The following IL17RD variants were observed in gnomAD, a reference collection of about 807,000 sequenced individuals.
IL17RD encodes the protein interleukin 17 receptor D, also known as interleukin-17 receptor D.
A neutral mutation model predicts 80.5 loss-of-function variants in IL17RD; 52 were observed. The observed-to-expected ratio is 0.65, with a 90% CI of 0.52 to 0.81. The LOEUF (loss-of-function observed/expected upper bound fraction) is 0.81. IL17RD is among the 40% of genes least tolerant of loss of function. IL17RD has a pLI of 0.00. For missense variants in IL17RD, 1,024 were observed against 955.1 expected (o/e 1.07, Z -0.95); for synonymous variants, 416 against 391.8 (o/e 1.06, Z -0.73).
chr3:57,143,410 A>G lies in IL17RD; in HGVS notation c.126+21751T>C, dbSNP rs1579308152. Among the ~76,000 whole-genome samples, 2 of 151,688 alleles carry G rather than the reference A, an allele frequency of 1.3e-5. 1 individual carries two copies. The highest frequency in any genetic ancestry group is 4.2e-4 in the South Asian group (2 of 4,772). ...GTCATTCTCATCAGTGATGAGGTAAAAACAGGGACTCCCTCAGAGGAGCCA... is the reference window on the plus strand; with the variant it reads ...GTCATTCTCATCAGTGATGAGGTAAGAACAGGGACTCCCTCAGAGGAGCCA... On this transcript the variant is annotated intron_variant, in intron 1 of 12. Transcript: ENST00000296318.
rs963824793 is a variant in IL17RD, at chr3:57,122,412, C to A, written c.127-2099G>T. Among the ~76,000 whole-genome samples, 3 of 152,182 alleles carry A rather than the reference C, an allele frequency of 2.0e-5. No homozygotes were observed. The South Asian group carries it at 6.2e-4, about 31-fold the overall frequency. ...GCCCTGGACTGGTCCTGGTCCATGG[C>A]CTGTTAGGAGCCAGGCCGCGCAGCA... On this transcript the variant is annotated intron_variant, in intron 1 of 12. Coordinates refer to ENST00000296318, the MANE Select transcript of IL17RD (RefSeq NM_017563.5).
chr3:57,101,800 GAAGTATATAACT>G (rs1368973655), intron 10 of IL17RD, among the ~76,000 whole-genome samples: 2 of 152,136 alleles, frequency 1.3e-5, no homozygotes, highest in Admixed American at 1.3e-4. Context: ...AATTTTTATG[GAAGTATATAACT>G]GTGTAATCCT....
At chr3:57,105,536 C>CAAAAAAAAAAAAAAAAAAAAAA (rs745910085) in intron 7 of IL17RD, among the ~76,000 whole-genome samples, 2 of 35,604 alleles carry the variant, frequency 5.6e-5, no homozygotes, top group Non-Finnish European at 1.2e-4. Context: ...GACTCCATCT[C>CAAAAAAAAAAAAAAAAAAAAAA]AAAAAAAAAA....
intron 1 of IL17RD, among the ~76,000 whole-genome samples, chr3:57,152,392 C>A (rs564069352): frequency 1.3e-5 from 2 of 152,210 alleles, no homozygotes; most frequent in African/African-American, 2.4e-5. Flanking sequence ...TGAATCTCTG[C>A]GGACCATTCT....
chr3:57,117,361 G>C lies in IL17RD; in HGVS notation c.185-2544C>G, dbSNP rs535992283. On this transcript the variant is annotated intron_variant, in intron 2 of 12. Transcript: ENST00000296318. ...ACTCCTGACCTCAGGTGATCCACCC[G>C]CTTTGGCCTCCCAAAGTGCTGGGAT... Among the ~76,000 whole-genome samples the C allele has an allele frequency of 2.0e-5, 3 of 152,144 alleles. No homozygotes were observed. In the South Asian group the frequency reaches 6.2e-4, roughly 32 times the overall value.
Position 57,106,159 on chromosome 3 carries a change from TAAGAGAATA to T in IL17RD, c.551-14_551-6del. The T allele has an allele frequency of 6.2e-7, 1 of 1,606,798 alleles. No homozygotes were observed. The highest frequency in any genetic ancestry group is 8.5e-7 in the Non-Finnish European group (1 of 1,174,748). ...GCTGTAACAACAGGTCACAGGCTATTAAGAGAATAAAGATACATGTTTTTAGTTTTAGGA... is the reference window on the plus strand; with the variant it reads ...GCTGTAACAACAGGTCACAGGCTATTAAGATACATGTTTTTAGTTTTAGGA... On this transcript the variant is annotated splice_polypyrimidine_tract_variant and splice_region_variant and intron_variant, in intron 5 of 12. Coordinates refer to ENST00000296318, the MANE Select transcript of IL17RD (RefSeq NM_017563.5).
At chr3:57,147,729 T>C (rs9827743) in intron 1 of IL17RD, among the ~76,000 whole-genome samples, 11,922 of 152,240 alleles carry the variant, frequency 0.078, 1,568 homozygotes, top group African/African-American at 0.27. Context: ...AAAAGTGACA[T>C]GTCTGTGCAC....
chr3:57,156,183 G>A (rs9823220), intron 1 of IL17RD, among the ~76,000 whole-genome samples: 1 of 151,992 alleles, frequency 6.6e-6, no homozygotes, highest in South Asian at 2.1e-4. Flanking sequence ...TGAAAAGTTC[G>A]GCAGAGAAAA....
chr3:57,111,909 C>G (rs1001541224), intron 3 of IL17RD, among the ~76,000 whole-genome samples: 9 of 150,642 alleles, frequency 6.0e-5, no homozygotes, highest in Non-Finnish European at 1.0e-4. Flanking sequence ...TTGCAGTGAG[C>G]TGAGATCATG....
intron 7 of IL17RD, among the ~76,000 whole-genome samples, chr3:57,104,624 GTC>G (rs1706911042): frequency 6.6e-6 from 1 of 152,190 alleles, no homozygotes; most frequent in South Asian, 2.1e-4. Flanking sequence ...CCTTGCCATA[GTC>G]TATGCTTAGC....
rs570244976 is a variant in IL17RD at position 57,129,838 on chromosome 3, C to T, written c.127-9525G>A. On this transcript the variant is annotated intron_variant, in intron 1 of 12. Coordinates refer to ENST00000296318, the MANE Select transcript of IL17RD (RefSeq NM_017563.5). ...ATAACAGTGGGAAGCAGTAAGTCAG[C>T]ATTAGGCCCTTTTTCAAAATGTGTG... Among the ~76,000 whole-genome samples the T allele has an allele frequency of 2.0e-5, 3 of 152,330 alleles. No individual in the cohort carries two copies. The East Asian group carries it at 5.8e-4, about 29-fold the overall frequency.
At position 57,098,155 on chromosome 3, in the gene IL17RD, G is replaced by A. The variant is rs370328017; in HGVS notation, c.1548C>T (p.His516=). Residue 516 remains histidine, a synonymous_variant, in exon 12 of 13, where the codon CAC becomes CAT. Coordinates refer to ENST00000296318, the MANE Select transcript of IL17RD (RefSeq NM_017563.5). ...QLCSHLHSRD[H]GLQEPGQHTR... The stretch of plus-strand genomic sequence containing the variant: ...TGTGCTGCCCCGGCTCCTGGAGGCC[G>A]TGGTCTCGGGAGTGCAAGTGGGAAC... The A allele has an allele frequency of 4.5e-5, 73 of 1,613,856 alleles. No homozygotes were observed. The highest frequency in any genetic ancestry group is 5.8e-5 in the Non-Finnish European group (68 of 1,179,876).
intron 2 of IL17RD, among the ~76,000 whole-genome samples, chr3:57,119,295 T>C (rs1305146980): frequency 2.0e-5 from 3 of 149,758 alleles, no homozygotes; most frequent in Non-Finnish European, 4.4e-5. Flanking sequence ...GAGCTTGCAG[T>C]GAGCCAAGAT....
intron 1 of IL17RD, among the ~76,000 whole-genome samples, chr3:57,160,983 T>C (rs1247780829): frequency 6.6e-6 from 1 of 152,062 alleles, no homozygotes; most frequent in Non-Finnish European, 1.5e-5. Context: ...CCCAAGTTAA[T>C]AACTAGCACA....
At chr3:57,164,493 C>G (rs2107550427) in intron 1 of IL17RD, among the ~76,000 whole-genome samples, 1 of 152,318 alleles carries the variant, frequency 6.6e-6, no homozygotes, top group East Asian at 1.9e-4. Context: ...GGCCCTTTGG[C>G]GGAAAAATAT....
upstream of IL17RD, among the ~76,000 whole-genome samples, chr3:57,166,415 C>T (rs555614046): frequency 2.0e-5 from 3 of 152,190 alleles, no homozygotes; most frequent in South Asian, 4.1e-4. Flanking sequence ...CCTAGAGGAT[C>T]GCTTGAGTTC....
intron 11 of IL17RD, among the ~76,000 whole-genome samples, chr3:57,099,504 C>T (rs969139390): frequency 5.3e-5 from 8 of 152,332 alleles, no homozygotes; most frequent in Admixed American, 5.2e-4. Flanking sequence ...AGCAGCCACA[C>T]TATCTTACAG....
intron 1 of IL17RD, among the ~76,000 whole-genome samples, chr3:57,139,156 T>C (rs557433104): frequency 1.7e-4 from 26 of 151,704 alleles, no homozygotes; most frequent in Non-Finnish European, 3.1e-4. Context: ...TCATAAGAGG[T>C]ATACAAAATT....
At chr3:57,138,844 C>A (rs1173797633) in intron 1 of IL17RD, among the ~76,000 whole-genome samples, 4 of 147,324 alleles carry the variant, frequency 2.7e-5, no homozygotes, top group Non-Finnish European at 5.9e-5. Context: ...GAGGCTGAGG[C>A]AGGAGAATAG....
Sources: allele counts gnomAD v4.1 joint callset (sites outside exome capture counted in the v4.1 genomes callset), GRCh38; gene constraint gnomAD v4.1.1; transcripts MANE v1.5; gene names NCBI Gene and HGNC (gene_info 2026-07-23, HGNC 2026-07-21).